AKNAD1: variants seen among roughly 807,000 people sequenced by gnomAD.
The protein encoded by AKNAD1 is AKNA domain containing 1, also known as protein AKNAD1.
A neutral mutation model predicts 90.8 loss-of-function variants in AKNAD1; 67 were observed. That is an observed-to-expected ratio of 0.74 (90% CI 0.61 to 0.90). The LOEUF is 0.90. AKNAD1 is among the 40% of genes least tolerant of loss of function. The pLI, the probability that AKNAD1 is intolerant of heterozygous loss-of-function variation, is 0.00. For missense variants in AKNAD1, 957 were observed against 975.4 expected (o/e 0.98, Z 0.25); for synonymous variants, 327 against 341.4 (o/e 0.96, Z 0.46).
Position 108,843,191 on chromosome 1 carries a change from A to G in AKNAD1, c.1322T>C (p.Leu441Ser). Residue 441 changes from leucine to serine, a missense_variant, in exon 6 of 16, where the codon TTG (leucine) becomes TCG (serine). By Grantham distance (145) the Leu-to-Ser change is moderately radical. Coordinates refer to ENST00000370001, the MANE Select transcript of AKNAD1 (RefSeq NM_152763.5). ...TTCGTGCTTGTGGACTTGCTGCTGC[A>G]AAGTCAGATGCTTGTCCTTGGTGGC... ...FLATKDKHLTLQQQVHKHEST... is the reference protein window; with the variant it reads ...FLATKDKHLTSQQQVHKHEST... 6.2e-7 allele frequency: 1 copy of G among 1,614,204 alleles called. No individual in the cohort carries two copies. The highest frequency in any genetic ancestry group is 8.5e-7 in the Non-Finnish European group (1 of 1,180,020).
rs751659468 is a variant in AKNAD1, at chr1:108,835,053, G to T, written c.1540C>A (p.Pro514Thr). The T allele has an allele frequency of 6.4e-7, 1 of 1,573,238 alleles. No individual in the cohort carries two copies. The highest frequency in any genetic ancestry group is 8.6e-7 in the Non-Finnish European group (1 of 1,165,226). ...GAAGGGTGGCCGGGGTGCTCCTTGG[G>T]AATCTGGGGGAGCCACACAGAAAGA... ...STFSSLSNEIPKEHPGHPSGP... is the reference protein window; with the variant it reads ...STFSSLSNEITKEHPGHPSGP... The change falls in exon 8 of 16, where the codon CCC becomes ACC. Residue 514 changes from proline to threonine, a missense_variant. Coordinates refer to ENST00000370001, the MANE Select transcript of AKNAD1 (RefSeq NM_152763.5).
At chr1:108,821,427 G>A (rs1663809832) in intron 13 of AKNAD1, among the ~76,000 whole-genome samples, 1 of 151,578 alleles carries the variant, frequency 6.6e-6, no homozygotes, top group Admixed American at 6.6e-5. Context: ...CTCCAGCCTG[G>A]GTGACAGAGT....
At chr1:108,845,740 G>T (rs534606240) in intron 5 of AKNAD1, among the ~76,000 whole-genome samples, 2 of 152,314 alleles carry the variant, frequency 1.3e-5, no homozygotes, top group African/African-American at 4.8e-5. Context: ...AATTTGGAAA[G>T]GCTAACAGGC....
intron 5 of AKNAD1, among the ~76,000 whole-genome samples, chr1:108,845,959 CA>C (rs1004334163): frequency 1.2e-4 from 18 of 152,142 alleles, no homozygotes; most frequent in African/African-American, 4.3e-4. Context: ...AAGCTAATCA[CA>C]AATTATAATT....
chr1:108,846,091 C>T (rs1664692205), intron 5 of AKNAD1, among the ~76,000 whole-genome samples: 1 of 152,194 alleles, frequency 6.6e-6, no homozygotes, highest in Admixed American at 6.5e-5. Context: ...TGTAACATGT[C>T]TACAGTTGTG....
chr1:108,849,760 C>G (rs1162268736), intron 2 of AKNAD1, among the ~76,000 whole-genome samples, 184 bp from the exon 3 acceptor site: 2 of 152,114 alleles, frequency 1.3e-5, no homozygotes, highest in Non-Finnish European at 2.9e-5. Context: ...AAGTAATTGT[C>G]TCATCACTTA....
At chr1:108,817,497 AT>A (rs10681740) in intron 14 of AKNAD1, 2,416 of 60,200 alleles carry the variant, frequency 0.04, 13 homozygotes, top group Admixed American at 0.058. Context: ...TTTTTTTTTA[AT>A]TTTTTTTTTT....
At chr1:108,838,504 T>C (rs1449113858) in intron 6 of AKNAD1, among the ~76,000 whole-genome samples, 1 of 151,948 alleles carries the variant, frequency 6.6e-6, no homozygotes, top group African/African-American at 2.4e-5. Context: ...TAGTCTTAAA[T>C]GCATTATTGG....
intron 15 of AKNAD1, 148 bp downstream of exon 15, chr1:108,816,900 T>C (rs918410724): frequency 4.5e-6 from 4 of 883,144 alleles, no homozygotes; most frequent in Admixed American, 5.4e-5. Flanking sequence ...CTGTGTGTCT[T>C]TAGCTTAGTT....
At chr1:108,834,283 G>A (rs1162025796) in intron 9 of AKNAD1, among the ~76,000 whole-genome samples, 164 bp downstream of exon 9, 2 of 152,162 alleles carry the variant, frequency 1.3e-5, no homozygotes, top group African/African-American at 2.4e-5. Flanking sequence ...GTGGGAAACC[G>A]TCAGCAGTAC....
chr1:108,821,626 GA>G lies in AKNAD1; in HGVS notation c.2168-1001del, dbSNP rs535233500. ...AAGAGGTTGGGCCAAATGGATTTCT[GA>G]AATCCTCTTCAATTTTAGGAGTTAA... is the stretch of plus-strand genomic sequence containing the variant. On this transcript the variant is annotated intron_variant, in intron 13 of 15. Coordinates refer to ENST00000370001, the MANE Select transcript of AKNAD1 (RefSeq NM_152763.5). Among the ~76,000 whole-genome samples, 17 of 152,264 alleles carry G rather than the reference GA, an allele frequency of 1.1e-4. No individual in the cohort carries two copies. The South Asian group carries it at 3.3e-3, about 30-fold the overall frequency.
intron 8 of AKNAD1, 50 bp downstream of exon 8, chr1:108,834,879 G>T (rs1664329755): frequency 6.7e-7 from 1 of 1,495,726 alleles, no homozygotes; most frequent in South Asian, 1.4e-5. Context: ...ATGAGGAAGG[G>T]GCCTCTTTCT....
intron 5 of AKNAD1, among the ~76,000 whole-genome samples, chr1:108,845,630 C>G (rs1284257952): frequency 1.3e-5 from 2 of 152,190 alleles, no homozygotes; most frequent in Non-Finnish European, 2.9e-5. Context: ...CCATCTGGTC[C>G]CTGCCAGAAC....
intron 14 of AKNAD1, chr1:108,817,497 A>ATTTTTTTTTTTTTTTTT (rs10681740): frequency 3.3e-5 from 2 of 60,342 alleles, no homozygotes; most frequent in Non-Finnish European, 5.7e-5. Flanking sequence ...TTTTTTTTTA[A>ATTTTTTTTTTTTTTTTT]TTTTTTTTTT....
intron 2 of AKNAD1, among the ~76,000 whole-genome samples, chr1:108,850,299 C>T (rs1301011605): frequency 3.3e-5 from 5 of 152,060 alleles, no homozygotes; most frequent in Admixed American, 3.3e-4. Flanking sequence ...CTGCAGTGTC[C>T]AATTCTCCAA....
intron 9 of AKNAD1, among the ~76,000 whole-genome samples, chr1:108,833,588 A>G (rs1033892564): frequency 3.3e-5 from 5 of 152,120 alleles, no homozygotes; most frequent in Non-Finnish European, 7.3e-5. Context: ...CTCAAAAAAA[A>G]AAAATTAGAT....
At chr1:108,819,817 G>A (rs1663754075) in intron 14 of AKNAD1, among the ~76,000 whole-genome samples, 1 of 149,778 alleles carries the variant, frequency 6.7e-6, no homozygotes, top group Admixed American at 6.7e-5. Flanking sequence ...AGGATGACTT[G>A]AGCCCAGGAG....
rs1233005780 is a variant in AKNAD1 at position 108,834,918 on chromosome 1, C to A, written c.1664+11G>T. 2.0e-6 allele frequency: 3 copies of A among 1,526,356 alleles called. No homozygotes were observed. The Admixed American group carries it at 7.4e-5, about 38-fold the overall frequency. The allele number at this position is 1,526,356 out of a possible 1,614,324, so 94.6% of individuals were successfully genotyped here. A position where few individuals can be genotyped will look rare whatever the true frequency, so the allele number is the denominator to read the frequency against. On this transcript the variant is annotated intron_variant, in intron 8 of 15. Coordinates refer to ENST00000370001, the MANE Select transcript of AKNAD1 (RefSeq NM_152763.5). ...TCCTGTGTCTGCTGGGGCTCCAGGG[C>A]TAGGACTCACGTCTGCGGGGCCAGC...
intron 1 of AKNAD1, among the ~76,000 whole-genome samples, chr1:108,853,305 G>A (rs969746453): frequency 2.0e-5 from 3 of 151,688 alleles, no homozygotes; most frequent in African/African-American, 7.3e-5. Flanking sequence ...CTAATTTTTT[G>A]TATTTTTAGT....
Sources: allele counts gnomAD v4.1 joint callset (sites outside exome capture counted in the v4.1 genomes callset), GRCh38; gene constraint gnomAD v4.1.1; transcripts MANE v1.5; gene names NCBI Gene and HGNC (gene_info 2026-07-23, HGNC 2026-07-21).